The following GRIA4 variants were observed in gnomAD, a reference collection of about 807,000 sequenced individuals.
GRIA4 encodes the protein glutamate receptor 4.
A neutral mutation model predicts 104.0 loss-of-function variants in GRIA4; 34 were observed. The observed-to-expected ratio is 0.33, with a 90% CI of 0.25 to 0.44. The LOEUF (loss-of-function observed/expected upper bound fraction) is 0.44, where lower values mean the gene tolerates loss of function less well. Among genes scored for constraint, GRIA4 ranks in the 20% least tolerant of loss-of-function variants. GRIA4 has a pLI of 1.00. For synonymous variants in GRIA4, 386 were observed against 381.9 expected, an observed-to-expected ratio of 1.01 and a Z score of -0.13; for missense variants, 750 against 1,096.5, an observed-to-expected ratio of 0.68 and a Z score of 4.46.
rs1056731323 is a variant in GRIA4 at position 105,692,248 on chromosome 11, T to TA, written c.248-60733_248-60732insA. On this transcript the variant is annotated intron_variant, in intron 3 of 16. Transcript: ENST00000282499. ...ACATTACATATATAATCATTTCCTC[T>TA]TTTTTTTAAAAAAAAAAAGAAAGTT... Among the ~76,000 whole-genome samples the TA allele has an allele frequency of 1.2e-4, 18 of 147,196 alleles. 1 individual carries two copies. The highest frequency in any genetic ancestry group is 4.5e-4 in the African/African-American group (18 of 39,750).
intron 3 of GRIA4, among the ~76,000 whole-genome samples, chr11:105,743,054 T>G (rs912819782): frequency 1.3e-5 from 2 of 152,134 alleles, no homozygotes; most frequent in Non-Finnish European, 2.9e-5. Context: ...GTGCCTAAAC[T>G]GGGTGCGCAT....
At chr11:105,616,570 A>C (rs1450365369) in intron 3 of GRIA4, among the ~76,000 whole-genome samples, 1 of 151,604 alleles carries the variant, frequency 6.6e-6, no homozygotes, top group Non-Finnish European at 1.5e-5. Flanking sequence ...TTTTTTGTTT[A>C]ATTCAACTAT....
intron 3 of GRIA4, among the ~76,000 whole-genome samples, chr11:105,689,606 T>C (rs1953014398): frequency 6.6e-6 from 1 of 152,194 alleles, no homozygotes; most frequent in Non-Finnish European, 1.5e-5. Flanking sequence ...GGCCAGATAT[T>C]ACTATTATTT....
chr11:105,754,929 T>C (rs866733492), intron 4 of GRIA4, among the ~76,000 whole-genome samples: 1 of 152,206 alleles, frequency 6.6e-6, no homozygotes, highest in East Asian at 1.9e-4. Flanking sequence ...AGGAGAGATA[T>C]ATTTGGCAAA....
Position 105,611,015 on chromosome 11 carries a change from A to G in GRIA4, c.18A>G (p.Arg6=), listed in dbSNP as rs200989408. 4.3e-6 allele frequency: 7 copies of G among 1,612,486 alleles called. No individual in the cohort carries two copies. In the Admixed American group the frequency reaches 1.2e-4, roughly 27 times the overall value. MRIIS[R]QIVLLFSGFW... ...AAAAGAAGATGAGGATTATTTCCAG[A>G]CAGATTGTCTTGTTATTTTCTGGAT... Residue 6 remains arginine, a synonymous_variant, in exon 2 of 17, where the codon AGA becomes AGG. Transcript: ENST00000282499.
chr11:105,873,838 T>A (rs537555692), intron 5 of GRIA4, among the ~76,000 whole-genome samples: 1 of 152,300 alleles, frequency 6.6e-6, no homozygotes, highest in East Asian at 1.9e-4. Flanking sequence ...ATGGATAGAT[T>A]GCAAAAATTT....
At chr11:105,619,758 C>T (rs1950694959) in intron 3 of GRIA4, among the ~76,000 whole-genome samples, 1 of 151,806 alleles carries the variant, frequency 6.6e-6, no homozygotes, top group African/African-American at 2.4e-5. Flanking sequence ...TCAATGAGTT[C>T]CAGTCACAAA....
intron 4 of GRIA4, among the ~76,000 whole-genome samples, chr11:105,853,728 TG>T (rs1267641221): frequency 1.3e-5 from 2 of 151,894 alleles, no homozygotes; most frequent in Admixed American, 1.3e-4. Flanking sequence ...ATTGGTGGGG[TG>T]GGGGGAGTGT....
At chr11:105,641,742 G>T (rs987815445) in intron 3 of GRIA4, among the ~76,000 whole-genome samples, 3 of 152,092 alleles carry the variant, frequency 2.0e-5, no homozygotes, top group Non-Finnish European at 4.4e-5. Context: ...AGTCCACACT[G>T]TGTTACTAGG....
chr11:105,800,986 T>A (rs1565246672), intron 4 of GRIA4, among the ~76,000 whole-genome samples: 1 of 151,890 alleles, frequency 6.6e-6, no homozygotes, highest in South Asian at 2.1e-4. Flanking sequence ...ATAAATTAAC[T>A]AAATACAGCA....
At chr11:105,754,040 C>T (rs928644547) in intron 4 of GRIA4, among the ~76,000 whole-genome samples, 1 of 152,072 alleles carries the variant, frequency 6.6e-6, no homozygotes, top group South Asian at 2.1e-4. Flanking sequence ...CATTGACCAA[C>T]TTAACTTTCA....
chr11:105,752,942 G>A, intron 3 of GRIA4, 39 bp from the exon 4 acceptor site: 1 of 1,595,250 alleles, frequency 6.3e-7, no homozygotes, highest in Non-Finnish European at 8.6e-7. Context: ...CAATTTGAGT[G>A]TGCTAATAGT....
At position 105,981,959 on chromosome 11, in the gene GRIA4, C is replaced by T. The variant is rs781159492; in HGVS notation, c.*2220C>T. The T allele has an allele frequency of 7.9e-5, 12 of 152,688 alleles. No individual in the cohort carries two copies. The highest frequency in any genetic ancestry group is 3.4e-3 in the Middle Eastern group (1 of 294). The allele number at this position is 152,688 out of a possible 1,614,324, so 9.5% of individuals were successfully genotyped here. The stretch of plus-strand genomic sequence containing the variant: ...ACTGCGTTGTAATTGCCTGTGTACT[C>T]GTCTGTATAACTACTAGACTGTAAG... On this transcript the variant is annotated 3_prime_UTR_variant, in exon 17 of 17. Transcript: ENST00000282499.
intron 1 of GRIA4, 94 bp from the exon 2 acceptor site, chr11:105,610,814 C>T (rs1308101580): frequency 1.7e-6 from 1 of 571,958 alleles, no homozygotes; most frequent in Non-Finnish European, 3.1e-6. Context: ...GAGAACTAGT[C>T]ATAATCTTAA....
chr11:105,980,493 A>G lies in GRIA4; in HGVS notation c.*754A>G, dbSNP rs1346418965. 2 of 152,594 alleles carry G rather than the reference A, an allele frequency of 1.3e-5. No homozygotes were observed. The highest frequency in any genetic ancestry group is 1.5e-5 in the Non-Finnish European group (1 of 68,040). 9.5% of individuals were successfully genotyped at this position (152,594 alleles called of 1,614,324 possible). A position where few individuals can be genotyped will look rare whatever the true frequency, so the allele number is the denominator to read the frequency against. ...CTTCTTGTTTGCTGTAACCTTCACTATGTCACATGAGTCGATTCACCGATT... is the reference window on the plus strand; with the variant it reads ...CTTCTTGTTTGCTGTAACCTTCACTGTGTCACATGAGTCGATTCACCGATT... On this transcript the variant is annotated 3_prime_UTR_variant, in exon 17 of 17. Transcript: ENST00000282499.
chr11:105,835,152 C>A (rs1944129273), intron 4 of GRIA4, among the ~76,000 whole-genome samples: 1 of 151,594 alleles, frequency 6.6e-6, no homozygotes, highest in Admixed American at 6.6e-5. Context: ...TTTAATGTTA[C>A]TATTAAATTT....
At chr11:105,814,541 T>C (rs1943300249) in intron 4 of GRIA4, among the ~76,000 whole-genome samples, 1 of 152,178 alleles carries the variant, frequency 6.6e-6, no homozygotes, top group African/African-American at 2.4e-5. Flanking sequence ...TCCTTTGATT[T>C]GTAAAATGGT....
At chr11:105,910,029 G>C (rs596100) in intron 9 of GRIA4, among the ~76,000 whole-genome samples, 1 of 151,822 alleles carries the variant, frequency 6.6e-6, no homozygotes, top group South Asian at 2.1e-4. Flanking sequence ...GTTCTTCTTA[G>C]AAATCTGGCT....
chr11:105,619,595 TATCTAAG>T, intron 3 of GRIA4, among the ~76,000 whole-genome samples: 1 of 152,076 alleles, frequency 6.6e-6, no homozygotes. Context: ...AGGGTAAATT[TATCTAAG>T]ATCTTTGGGC....
Sources: gnomAD v4.1 joint callset for allele counts (sites outside exome capture counted in the v4.1 genomes callset) on GRCh38, gnomAD v4.1.1 for gene constraint, MANE v1.5 for transcripts, NCBI Gene and HGNC (gene_info 2026-07-23, HGNC 2026-07-21) for gene names.